Variants in ABHD16A observed in about 807,000 individuals in gnomAD.
ABHD16A encodes the protein abhydrolase domain containing 16A, phospholipase, also known as phosphatidylserine lipase ABHD16A.
A neutral mutation model predicts 89.8 loss-of-function variants in ABHD16A; 47 were observed. The ratio of observed to expected loss-of-function variants is 0.52; its 90% confidence interval spans 0.41 to 0.67. The LOEUF (loss-of-function observed/expected upper bound fraction) is 0.67, where lower values mean the gene tolerates loss of function less well. Ranked by LOEUF, ABHD16A falls within the 30% of genes least tolerant of loss-of-function variation. The pLI, the probability that ABHD16A is intolerant of heterozygous loss-of-function variation, is 0.00. For missense variants in ABHD16A, 580 were observed against 734.6 expected (o/e 0.79, Z 2.43); for synonymous variants, 251 against 280.4 (o/e 0.90, Z 1.05).
At chr6:31,689,278 G>C (rs990233753) in intron 12 of ABHD16A, among the ~76,000 whole-genome samples, 159 bp from the exon 13 acceptor site, 1 of 152,112 alleles carries the variant, frequency 6.6e-6, no homozygotes, top group African/African-American at 2.4e-5. Flanking sequence ...GGAACTATCT[G>C]GAGAGGATGG....
chr6:31,692,802 A>G (rs1040109470), intron 7 of ABHD16A: 23 of 333,902 alleles, frequency 6.9e-5, no homozygotes, highest in Admixed American at 3.1e-4. Context: ...TTTTGTTCAT[A>G]TCCCAGTTCT....
rs1416239885 is a variant in ABHD16A at position 31,702,129 on chromosome 6, T to C, written c.134A>G (p.Asp45Gly). 1.9e-6 allele frequency: 3 copies of C among 1,613,068 alleles called. No homozygotes were observed. Among genetic ancestry groups the C allele is most frequent in the African/African-American group, 2.7e-5 (2 of 75,064 alleles). ...AVTAPHSSSW[D>G]TYYQPRALEK... Reference sequence around the variant, plus strand: ...CAGGGCACGGGGCTGATAGTACGTATCCTGCCAAAACAGATGGCCTCCTTA... The same window carrying C: ...CAGGGCACGGGGCTGATAGTACGTACCCTGCCAAAACAGATGGCCTCCTTA... The change falls in exon 2 of 20, where the codon GAT becomes GGT. Residue 45 changes from aspartate to glycine, a missense_variant and splice_region_variant. This residue lies in a region of ABHD16A where 165 missense variants were observed against 165.8 expected (regional missense o/e 1.00). Coordinates refer to ENST00000395952, the MANE Select transcript of ABHD16A (RefSeq NM_021160.3).
At position 31,688,423 on chromosome 6, in the gene ABHD16A, G is replaced by T; in HGVS notation, c.1251-118C>A. On this transcript the variant is annotated intron_variant, in intron 14 of 19. Transcript: ENST00000395952. This position sits in a 1 kb window ranked among gnomAD's most constrained non-coding sequence, Gnocchi z 4.9. Reference sequence around the variant, plus strand: ...CTCCCCTTGCTATAGCACAGCCCTTGACCTAGCCCTTCACTCAGGGGTGAG... The same window carrying T: ...CTCCCCTTGCTATAGCACAGCCCTTTACCTAGCCCTTCACTCAGGGGTGAG... The T allele has an allele frequency of 9.3e-7, 1 of 1,078,240 alleles. No homozygotes were observed. The highest frequency in any genetic ancestry group is 1.4e-5 in the South Asian group (1 of 72,668). The allele number at this position is 1,078,240 out of a possible 1,614,324, so 66.8% of individuals were successfully genotyped here.
intron 1 of ABHD16A, 185 bp downstream of exon 1, chr6:31,702,961 AAAAG>A (rs1294762459): frequency 2.2e-5 from 28 of 1,298,622 alleles, no homozygotes; most frequent in Admixed American, 7.7e-5. Flanking sequence ...TAAAGAGCGA[AAAAG>A]AAAGGAGGCG....
Position 31,689,581 on chromosome 6 carries a change from C to T in ABHD16A, c.1081G>A (p.Ala361Thr), listed in dbSNP as rs1286389191. Reference protein sequence around the residue: ...IYAWSIGGFTATWAAMSYPDV... With the variant: ...IYAWSIGGFTTTWAAMSYPDV... The stretch of plus-strand genomic sequence containing the variant: ...TGGGGGATGGGAGGGAGGCTGGTAC[C>T]AGTGAAGCCGCCGATGGACCAGGCG... Residue 361 changes from alanine (A) to threonine (T), a missense_variant and splice_region_variant, in exon 12 of 20, where the codon GCC (alanine) becomes ACC (threonine). Physicochemically the swap from Ala to Thr is moderately conservative, Grantham distance 58 (BLOSUM62 0). Coordinates refer to ENST00000395952, the MANE Select transcript of ABHD16A (RefSeq NM_021160.3). 6.3e-6 allele frequency: 10 copies of T among 1,588,078 alleles called. No individual in the cohort carries two copies. The highest frequency in any genetic ancestry group is 1.8e-5 in the Admixed American group (1 of 56,310).
intron 1 of ABHD16A, chr6:31,702,714 T>A: frequency 6.5e-7 from 1 of 1,543,630 alleles, no homozygotes; most frequent in Non-Finnish European, 8.7e-7. Flanking sequence ...TAAAAGTCAT[T>A]CTGAAATTCA....
At position 31,697,051 on chromosome 6, in the gene ABHD16A, G is replaced by T; in HGVS notation, c.344-18C>A. 1 of 1,605,698 alleles carries T rather than the reference G, an allele frequency of 6.2e-7. No homozygotes were observed. The highest frequency in any genetic ancestry group is 1.1e-5 in the South Asian group (1 of 90,930). ...GCCAATGCCTGGTAGAAAAAGGACAGGAAACAGTGCTAGGAAAACTGGGAA... is the reference window on the plus strand; with the variant it reads ...GCCAATGCCTGGTAGAAAAAGGACATGAAACAGTGCTAGGAAAACTGGGAA... On this transcript the variant is annotated intron_variant, in intron 4 of 19. Coordinates refer to ENST00000395952, the MANE Select transcript of ABHD16A (RefSeq NM_021160.3).
Position 31,690,581 on chromosome 6 carries a change from C to T in ABHD16A, c.865G>A (p.Ala289Thr). The T allele has an allele frequency of 6.2e-7, 1 of 1,613,000 alleles. No individual in the cohort carries two copies. Among genetic ancestry groups the T allele is most frequent in the Non-Finnish European group, 8.5e-7 (1 of 1,180,008 alleles). ...QKLVICCEGN[A>T]GFYEVGCVST... ...ACGCAGCCCACCTCATAAAACCCAG[C>T]ATTCCCCTCACAGCAGATCACCTAG... The change falls in exon 10 of 20, where the codon GCT becomes ACT. Residue 289 changes from alanine (A) to threonine (T), a missense_variant. By Grantham distance (58) the Ala-to-Thr change is moderately conservative. Coordinates refer to ENST00000395952, the MANE Select transcript of ABHD16A (RefSeq NM_021160.3). This position sits in a 1 kb window ranked among gnomAD's most constrained non-coding sequence, Gnocchi z 4.1.
Position 31,687,583 on chromosome 6 carries a change from G to T in ABHD16A, c.1547-39C>A, listed in dbSNP as rs1442970234. The T allele has an allele frequency of 6.2e-7, 1 of 1,612,784 alleles. No homozygotes were observed. Among genetic ancestry groups the T allele is most frequent in the African/African-American group, 1.3e-5 (1 of 74,852 alleles). On this transcript the variant is annotated intron_variant, in intron 18 of 19. Coordinates refer to ENST00000395952, the MANE Select transcript of ABHD16A (RefSeq NM_021160.3). The surrounding 1 kb of genome is among the most constrained non-coding windows in gnomAD (Gnocchi z 6.3). ...GCGCTCAAAATAGGCCACACATCTG[G>T]GTATTCATCCCCTTCCTAGGCCCTT...
intron 5 of ABHD16A, 96 bp downstream of exon 5, chr6:31,696,852 T>C: frequency 8.1e-7 from 1 of 1,237,488 alleles, no homozygotes; most frequent in Non-Finnish European, 1.2e-6. Flanking sequence ...AAAACACACC[T>C]CCTCTTCCTG....
chr6:31,688,300 T>C lies in ABHD16A; in HGVS notation c.1256A>G (p.Gln419Arg), dbSNP rs1803506325. ...TCTCCGGATCAGCAGTACAGGACCC[T>C]GGTATCTTCAGAGAACAGAGCAGTG... is the stretch of plus-strand genomic sequence containing the variant. ...LNNAEQLCRY[Q>R]GPVLLIRRTK... Residue 419 changes from glutamine to arginine, a missense_variant, in exon 15 of 20, where the codon CAG (glutamine) becomes CGG (arginine). Transcript: ENST00000395952. This position sits in a 1 kb window ranked among gnomAD's most constrained non-coding sequence, Gnocchi z 4.9. 1.2e-6 allele frequency: 2 copies of C among 1,614,000 alleles called. No individual in the cohort carries two copies. Among genetic ancestry groups the C allele is most frequent in the African/African-American group, 2.7e-5 (2 of 75,008 alleles).
chr6:31,687,905 G>C lies in ABHD16A; in HGVS notation c.1371-5C>G. On this transcript the variant is annotated splice_polypyrimidine_tract_variant and splice_region_variant and intron_variant, in intron 16 of 19. Coordinates refer to ENST00000395952, the MANE Select transcript of ABHD16A (RefSeq NM_021160.3). The surrounding 1 kb of genome is among the most constrained non-coding windows in gnomAD (Gnocchi z 6.3). Reference sequence around the variant, plus strand: ...TCTGCCATCACCCGGGGATACCTACGGAGGAAGTGCCAGGACAGGTCAGGG... The same window carrying C: ...TCTGCCATCACCCGGGGATACCTACCGAGGAAGTGCCAGGACAGGTCAGGG... The C allele has an allele frequency of 6.2e-7, 1 of 1,612,718 alleles. No homozygotes were observed. The highest frequency in any genetic ancestry group is 1.1e-5 in the South Asian group (1 of 91,066).
intron 4 of ABHD16A, among the ~76,000 whole-genome samples, chr6:31,700,129 C>CTTT (rs550587908): frequency 7.2e-6 from 1 of 139,764 alleles, no homozygotes; most frequent in Admixed American, 7.2e-5. Context: ...TTGCATGGAA[C>CTTT]TTTTTTTTTT....
Position 31,689,665 on chromosome 6 carries a change from C to T in ABHD16A, c.997G>A (p.Val333Met). ...CGGTGGATGGCAAACTGGACCACCA[C>T]ATCCATGGCATTAGCCTCATTCTGC... ...FPQNEANAMD[V>M]VVQFAIHRLG... The change falls in exon 12 of 20, where the codon GTG becomes ATG. Residue 333 changes from valine to methionine, a missense_variant. Val to Met is a conservative substitution (Grantham distance 21, BLOSUM62 1). Coordinates refer to ENST00000395952, the MANE Select transcript of ABHD16A (RefSeq NM_021160.3). 6.2e-7 allele frequency: 1 copy of T among 1,612,688 alleles called. No individual in the cohort carries two copies. Among genetic ancestry groups the T allele is most frequent in the Non-Finnish European group, 8.5e-7 (1 of 1,179,820 alleles).
intron 2 of ABHD16A, 131 bp downstream of exon 2, chr6:31,701,941 GGA>G: frequency 1.1e-6 from 1 of 889,862 alleles, no homozygotes; most frequent in East Asian, 2.5e-5. Flanking sequence ...TGTCTGTGTT[GGA>G]GAGGTCTGCT....
Position 31,687,905 on chromosome 6 carries a change from G to A in ABHD16A, c.1371-5C>T, listed in dbSNP as rs371203333. The A allele has an allele frequency of 5.1e-5, 83 of 1,612,718 alleles. No homozygotes were observed. The highest frequency in any genetic ancestry group is 8.0e-5 in the African/African-American group (6 of 74,950). On this transcript the variant is annotated splice_polypyrimidine_tract_variant and splice_region_variant and intron_variant, in intron 16 of 19. Transcript: ENST00000395952. This position sits in a 1 kb window ranked among gnomAD's most constrained non-coding sequence, Gnocchi z 6.3. ...TCTGCCATCACCCGGGGATACCTAC[G>A]GAGGAAGTGCCAGGACAGGTCAGGG...
chr6:31,688,739 C>A lies in ABHD16A; in HGVS notation c.1234G>T (p.Ala412Ser). Reference protein sequence around the residue: ...TVRQHLNLNNAEQLCRYQGPV... With the variant: ...TVRQHLNLNNSEQLCRYQGPV... ...GGCCCTCACCTGCACAGCTGCTCCG[C>A]GTTGTTTAGATTGAGATGCTGCCTC... is the stretch of plus-strand genomic sequence containing the variant. Residue 412 changes from alanine (A) to serine (S), a missense_variant, in exon 14 of 20, where the codon GCG becomes TCG. Ala to Ser is a moderately conservative substitution (Grantham distance 99). Transcript: ENST00000395952. The surrounding 1 kb of genome is among the most constrained non-coding windows in gnomAD (Gnocchi z 4.9). 1 of 1,612,990 alleles carries A rather than the reference C, an allele frequency of 6.2e-7. No homozygotes were observed. Among genetic ancestry groups the A allele is most frequent in the Non-Finnish European group, 8.5e-7 (1 of 1,179,992 alleles).
rs1238104004 is a variant in ABHD16A, at chr6:31,689,037, C to T, written c.1164G>A (p.Leu388=). The T allele has an allele frequency of 8.7e-6, 14 of 1,613,900 alleles. No homozygotes were observed. The highest frequency in any genetic ancestry group is 1.0e-5 in the Non-Finnish European group (12 of 1,179,882). ...CACTCCAGCTGTCTGGCATGACCTT[C>T]AAGGCCAAGGGCACCAGGTCATCAA... The part of the protein sequence containing the change: ...ASFDDLVPLA[L]KVMPDSWRGL... Residue 388 remains leucine, a synonymous_variant, in exon 13 of 20, where the codon TTG becomes TTA. Coordinates refer to ENST00000395952, the MANE Select transcript of ABHD16A (RefSeq NM_021160.3).
Position 31,687,411 on chromosome 6 carries a change from C to G in ABHD16A, c.1593+87G>C, listed in dbSNP as rs1049675016. 9 of 1,608,866 alleles carry G rather than the reference C, an allele frequency of 5.6e-6. No individual in the cohort carries two copies. In the African/African-American group the frequency reaches 9.4e-5, roughly 17 times the overall value. ...ACCACCCACTCTACAAAAGCTGCCACTTCCAATGCTTATAGGGTATCCCCA... is the reference window on the plus strand; with the variant it reads ...ACCACCCACTCTACAAAAGCTGCCAGTTCCAATGCTTATAGGGTATCCCCA... On this transcript the variant is annotated intron_variant, in intron 19 of 19. Transcript: ENST00000395952. This position sits in a 1 kb window ranked among gnomAD's most constrained non-coding sequence, Gnocchi z 6.3.
Sources: allele counts gnomAD v4.1 joint callset (sites outside exome capture counted in the v4.1 genomes callset), GRCh38; gene constraint gnomAD v4.1.1; regional missense constraint gnomAD v4.1.1; non-coding constraint Gnocchi (gnomAD v3.1); transcripts MANE v1.5; gene names NCBI Gene and HGNC (gene_info 2026-07-23, HGNC 2026-07-21).